NRBP1: variants seen among roughly 807,000 people sequenced by gnomAD.
The protein encoded by NRBP1 is nuclear receptor-binding protein.
A neutral mutation model predicts 76.0 loss-of-function variants in NRBP1; 10 were observed. The observed-to-expected ratio is 0.13, with a 90% CI of 0.08 to 0.22. The LOEUF (loss-of-function observed/expected upper bound fraction) is 0.22, where lower values mean the gene tolerates loss of function less well. Among genes scored for constraint, NRBP1 ranks in the 10% least tolerant of loss-of-function variants. NRBP1 has a pLI of 1.00. For missense variants in NRBP1, 344 were observed against 646.0 expected (o/e 0.53, Z 5.07); for synonymous variants, 235 against 240.2 (o/e 0.98, Z 0.20).
intron 14 of NRBP1, 77 bp from the exon 15 acceptor site, chr2:27,441,050 C>A: frequency 6.2e-7 from 1 of 1,608,292 alleles, no homozygotes; most frequent in South Asian, 1.1e-5. Flanking sequence ...CAGCCATGCC[C>A]TATGGGCTCG....
At chr2:27,429,294 G>T (rs549643727) in intron 1 of NRBP1, 3 of 152,618 alleles carry the variant, frequency 2.0e-5, no homozygotes, top group Admixed American at 1.3e-4. Flanking sequence ...TAGGGGCCGG[G>T]TTCCTCCCCA....
intron 2 of NRBP1, 27 bp from the exon 3 acceptor site, chr2:27,433,646 T>C (rs1423107496): frequency 6.2e-7 from 1 of 1,613,936 alleles, no homozygotes; most frequent in Non-Finnish European, 8.5e-7. Flanking sequence ...ATAAGTTTAA[T>C]TCTCTTTCAT....
intron 1 of NRBP1, among the ~76,000 whole-genome samples, chr2:27,429,565 T>C (rs1422593070): frequency 6.6e-6 from 1 of 152,158 alleles, no homozygotes; most frequent in African/African-American, 2.4e-5. Context: ...AGCTTTTCCA[T>C]GTGTTATCTC....
At chr2:27,434,914 A>G in intron 6 of NRBP1, 152 bp downstream of exon 6, 1 of 806,504 alleles carries the variant, frequency 1.2e-6, no homozygotes, top group Non-Finnish European at 2.1e-6. Context: ...GGTCTTTTAA[A>G]GGGTGCGTCC....
chr2:27,435,574 C>T, intron 7 of NRBP1: 1 of 680,112 alleles, frequency 1.5e-6, no homozygotes, highest in Non-Finnish European at 2.7e-6. Context: ...CTTTCGTTTG[C>T]TGTGTATTGT....
intron 6 of NRBP1, 56 bp downstream of exon 6, chr2:27,434,818 CAG>C: frequency 6.6e-7 from 1 of 1,526,336 alleles, no homozygotes; most frequent in South Asian, 1.1e-5. Context: ...TTACTCCAAA[CAG>C]ATTTCAGGGC....
Position 27,434,377 on chromosome 2 carries a change from G to T in NRBP1, c.436-94G>T, listed in dbSNP as rs148599780. 304 of 958,732 alleles carry T rather than the reference G, an allele frequency of 3.2e-4. 1 individual carries two copies. The East Asian group carries it at 7.1e-3, about 22-fold the overall frequency. The allele number at this position is 958,732 out of a possible 1,614,324, so 59.4% of individuals were successfully genotyped here. A position where few individuals can be genotyped will look rare whatever the true frequency, so the allele number is the denominator to read the frequency against. Reference sequence around the variant, plus strand: ...AAGTAAAGCTAAGAACAAAAGGAGAGAAATTTTAACAAACCTTCAAATTTA... The same window carrying T: ...AAGTAAAGCTAAGAACAAAAGGAGATAAATTTTAACAAACCTTCAAATTTA... On this transcript the variant is annotated intron_variant, in intron 4 of 17. Transcript: ENST00000379852.
intron 1 of NRBP1, among the ~76,000 whole-genome samples, 191 bp downstream of exon 1, chr2:27,428,922 C>T (rs1043151818): frequency 2.6e-5 from 4 of 152,024 alleles, no homozygotes; most frequent in Admixed American, 2.0e-4. Flanking sequence ...GCAGTCGCTG[C>T]TTAGCCCTCC....
intron 10 of NRBP1, 140 bp from the exon 11 acceptor site, chr2:27,439,626 T>A: frequency 1.2e-6 from 1 of 850,682 alleles, no homozygotes. Flanking sequence ...TCAGGTGCAT[T>A]TTTCAATATA....
At chr2:27,430,059 G>A (rs1664043399) in intron 1 of NRBP1, among the ~76,000 whole-genome samples, 1 of 152,178 alleles carries the variant, frequency 6.6e-6, no homozygotes, top group African/African-American at 2.4e-5. Flanking sequence ...ACTAAAACAG[G>A]CAGATAGTAG....
chr2:27,428,456 T>A (rs368561707), upstream of NRBP1: 14 of 390,240 alleles, frequency 3.6e-5, no homozygotes, highest in African/African-American at 2.9e-4. Flanking sequence ...CATCGACCCC[T>A]CCGAGAGGTC....
chr2:27,441,710 T>C lies in NRBP1; in HGVS notation c.1506T>C (p.Ala502=). ...ELVQLGFISE[A]DQSRLTSLLE... ...CTTACTGAGCTCTTCTCCCCCAGGCTGACCAGAGCCGGTTGACTTCTCTGC... is the reference window on the plus strand; with the variant it reads ...CTTACTGAGCTCTTCTCCCCCAGGCCGACCAGAGCCGGTTGACTTCTCTGC... Residue 502 remains alanine, a splice_region_variant and synonymous_variant, in exon 18 of 18, where the codon GCT becomes GCC. Transcript: ENST00000379852. The C allele has an allele frequency of 6.2e-7, 1 of 1,613,686 alleles. No homozygotes were observed. Among genetic ancestry groups the C allele is most frequent in the Non-Finnish European group, 8.5e-7 (1 of 1,179,624 alleles).
chr2:27,432,927 G>A (rs1366705633), intron 1 of NRBP1, among the ~76,000 whole-genome samples: 1 of 151,774 alleles, frequency 6.6e-6, no homozygotes, highest in Admixed American at 6.6e-5. Context: ...CACCCAGGCT[G>A]GAGTGCAGTG....
chr2:27,437,460 G>C, intron 10 of NRBP1, 100 bp downstream of exon 10: 2 of 829,164 alleles, frequency 2.4e-6, no homozygotes, highest in Admixed American at 5.2e-5. Flanking sequence ...AAGAGCTAGG[G>C]AACATAACAG....
chr2:27,434,437 A>ATAAGGCCTTTTAG, intron 4 of NRBP1, 34 bp from the exon 5 acceptor site: 2 of 1,392,048 alleles, frequency 1.4e-6, no homozygotes, highest in Non-Finnish European at 2.0e-6. Context: ...CATTTCTACT[A>ATAAGGCCTTTTAG]TAAGGCCTTT....
rs1176490836 is a variant in NRBP1, at chr2:27,428,656, AG to A, written c.-93del. 3 of 397,520 alleles carry A rather than the reference AG, an allele frequency of 7.5e-6. No individual in the cohort carries two copies. Among genetic ancestry groups the A allele is most frequent in the East Asian group, 7.1e-5 (2 of 27,978 alleles). 24.6% of individuals were successfully genotyped at this position (397,520 alleles called of 1,614,324 possible). A position where few individuals can be genotyped will look rare whatever the true frequency, so the allele number is the denominator to read the frequency against. ...GGTTGCGCTGCGGAGCGCAGCTGTGAGGGAGTCGCTGTGATCCGGGGCCCCG... is the reference window on the plus strand; with the variant it reads ...GGTTGCGCTGCGGAGCGCAGCTGTGAGGAGTCGCTGTGATCCGGGGCCCCG... On this transcript the variant is annotated 5_prime_UTR_variant, in exon 1 of 18. Transcript: ENST00000379852.
In NRBP1 at chr2:27,440,495, C is replaced by A; in HGVS notation, c.1129C>A (p.Pro377Thr). The change falls in exon 12 of 18, where the codon CCA becomes ACA. Residue 377 changes from proline (P) to threonine (T), a missense_variant. Coordinates refer to ENST00000379852, the MANE Select transcript of NRBP1 (RefSeq NM_013392.4). ...AEIPAGPGRE[P>T]VQTLYSQSPA... ...AATCCCTGCAGGACCAGGAAGAGAA[C>A]CAGTTCAGACTTTGTGAGTAACTGA... 1 of 1,613,798 alleles carries A rather than the reference C, an allele frequency of 6.2e-7. No individual in the cohort carries two copies. Among genetic ancestry groups the A allele is most frequent in the Non-Finnish European group, 8.5e-7 (1 of 1,179,716 alleles).
chr2:27,433,852 G>A, intron 3 of NRBP1, 57 bp downstream of exon 3: 1 of 1,612,866 alleles, frequency 6.2e-7, no homozygotes, highest in Non-Finnish European at 8.5e-7. Context: ...ATGTTAGAGA[G>A]GAATTGGTGT....
intron 1 of NRBP1, among the ~76,000 whole-genome samples, chr2:27,431,125 C>T (rs1664097123): frequency 6.6e-6 from 1 of 151,978 alleles, no homozygotes; most frequent in African/African-American, 2.4e-5. Flanking sequence ...ACGGTGAAAC[C>T]CCATCTCTAC....
Sources: allele counts gnomAD v4.1 joint callset (sites outside exome capture counted in the v4.1 genomes callset), GRCh38; gene constraint gnomAD v4.1.1; transcripts MANE v1.5; gene names NCBI Gene and HGNC (gene_info 2026-07-23, HGNC 2026-07-21).